GRIK1: variants seen among roughly 807,000 people sequenced by gnomAD.
The protein encoded by GRIK1 is glutamate ionotropic receptor kainate type subunit 1.
In GRIK1, 69 loss-of-function variants were observed where a neutral mutation model predicts 105.7. The ratio of observed to expected loss-of-function variants is 0.65; its 90% CI spans 0.54 to 0.80. GRIK1 has a LOEUF of 0.80. GRIK1 is among the 30% of genes least tolerant of loss of function. GRIK1 has a pLI of 0.00. For synonymous variants in GRIK1, 438 were observed against 431.3 expected, an observed-to-expected ratio of 1.02 and a Z score of -0.19; for missense variants, 1,109 against 1,167.3, an observed-to-expected ratio of 0.95 and a Z score of 0.73.
chr21:29,574,107 A>C (rs2090826699), intron 14 of GRIK1, among the ~76,000 whole-genome samples: 1 of 1,586 alleles, frequency 6.3e-4, no homozygotes, highest in Admixed American at 0.012. Flanking sequence ...ATGAATAAAT[A>C]AATTTTGTTT....
intron 1 of GRIK1, among the ~76,000 whole-genome samples, chr21:29,857,407 C>G (rs111762815): frequency 6.6e-6 from 1 of 152,146 alleles, no homozygotes; most frequent in Non-Finnish European, 1.5e-5. Context: ...CATAGCTACA[C>G]GCCAAGTAAC....
chr21:29,771,480 C>A (rs1338910080), intron 1 of GRIK1, among the ~76,000 whole-genome samples: 1 of 152,186 alleles, frequency 6.6e-6, no homozygotes, highest in Non-Finnish European at 1.5e-5. Flanking sequence ...GATCTCCATG[C>A]TCTTGCATTT....
intron 1 of GRIK1, among the ~76,000 whole-genome samples, chr21:29,725,308 T>C (rs1422227460): frequency 6.6e-6 from 1 of 152,226 alleles, no homozygotes; most frequent in Admixed American, 6.5e-5. Context: ...ATTCTTATCT[T>C]CCTCGTTGGG....
intron 14 of GRIK1, among the ~76,000 whole-genome samples, chr21:29,566,353 G>T (rs1368281329): frequency 6.6e-6 from 1 of 152,114 alleles, no homozygotes; most frequent in Non-Finnish European, 1.5e-5. Flanking sequence ...AACTGAAAAA[G>T]CCTCATTTAT....
At chr21:29,614,153 C>G (rs1217117330) in intron 7 of GRIK1, among the ~76,000 whole-genome samples, 2 of 152,080 alleles carry the variant, frequency 1.3e-5, no homozygotes, top group African/African-American at 4.8e-5. Context: ...CTGGCACAAC[C>G]ATAGCAATCC....
At chr21:29,777,784 A>G (rs1460539866) in intron 1 of GRIK1, among the ~76,000 whole-genome samples, 1 of 152,162 alleles carries the variant, frequency 6.6e-6, no homozygotes, top group African/African-American at 2.4e-5. Flanking sequence ...CTGTTTCAGC[A>G]GTCCTGGTGA....
chr21:29,730,814 A>G lies in GRIK1; in HGVS notation c.119-36751T>C, dbSNP rs574745766. On this transcript the variant is annotated intron_variant, in intron 1 of 17. Transcript: ENST00000327783. Reference sequence around the variant, plus strand: ...TATCTTTAGCCTACACTTTTGTCCTATGGGACATGAGGGAACTTCAAAAAA... The same window carrying G: ...TATCTTTAGCCTACACTTTTGTCCTGTGGGACATGAGGGAACTTCAAAAAA... 7.9e-4 allele frequency among the ~76,000 whole-genome samples: 121 copies of G among 152,260 alleles called. 1 individual carries two copies. The highest frequency in any genetic ancestry group is 2.6e-3 in the African/African-American group (106 of 41,550).
intron 1 of GRIK1, among the ~76,000 whole-genome samples, chr21:29,831,447 G>C (rs1409476372): frequency 6.6e-6 from 1 of 152,134 alleles, no homozygotes; most frequent in Non-Finnish European, 1.5e-5. Context: ...CTGAGACTGG[G>C]TAATTTATAA....
chr21:29,867,968 GAA>G (rs1231169225), intron 1 of GRIK1, among the ~76,000 whole-genome samples: 2 of 103,206 alleles, frequency 1.9e-5, no homozygotes, highest in East Asian at 9.3e-4. Context: ...AAATGAGAGA[GAA>G]AAAGAGAGAA....
Position 29,886,965 on chromosome 21 carries a change from A to T in GRIK1, c.118+52418T>A, listed in dbSNP as rs549016977. Among the ~76,000 whole-genome samples, 242 of 152,244 alleles carry T rather than the reference A, an allele frequency of 1.6e-3. 1 individual carries two copies. Among genetic ancestry groups the T allele is most frequent in the African/African-American group, 5.3e-3 (219 of 41,558 alleles). On this transcript the variant is annotated intron_variant, in intron 1 of 17. Transcript: ENST00000327783. ...AAGTTAAAGAGAGACACCTTATTAG[A>T]TTTATTTGGGGGGATGATTAAGGCA...
Position 29,672,988 on chromosome 21 carries a change from T to G in GRIK1, c.721A>C (p.Lys241Gln), listed in dbSNP as rs1223761212. The G allele has an allele frequency of 6.2e-7, 1 of 1,611,008 alleles. No individual in the cohort carries two copies. Among genetic ancestry groups the G allele is most frequent in the African/African-American group, 1.3e-5 (1 of 74,890 alleles). ...CSHETAAEIL[K>Q]QILFMGMMTE... ...CTCCTCCCTAGCCCTCTTACCTGCT[T>G]AAGGATTTCAGCGGCTGTTTCATGT... The change falls in exon 4 of 18, where the codon AAG (lysine) becomes CAG (glutamine). Residue 241 changes from lysine (K) to glutamine (Q), a missense_variant. This residue lies in a region of GRIK1 where 612 missense variants were observed against 586.0 expected (regional missense o/e 1.04). Transcript: ENST00000327783.
intron 15 of GRIK1, among the ~76,000 whole-genome samples, chr21:29,561,295 A>G (rs1166837968): frequency 1.3e-5 from 2 of 152,210 alleles, no homozygotes; most frequent in Non-Finnish European, 2.9e-5. Flanking sequence ...ATAGGCATAT[A>G]TGGGTATTGA....
At chr21:29,607,579 A>G (rs1278804257) in intron 7 of GRIK1, among the ~76,000 whole-genome samples, 1 of 152,160 alleles carries the variant, frequency 6.6e-6, no homozygotes, top group East Asian at 1.9e-4. Context: ...AGTTCACAGA[A>G]ATTGCTTGTA....
At chr21:29,755,937 G>T (rs534485688) in intron 1 of GRIK1, among the ~76,000 whole-genome samples, 1 of 152,210 alleles carries the variant, frequency 6.6e-6, no homozygotes, top group African/African-American at 2.4e-5. Flanking sequence ...GAAATGCAAA[G>T]CATATTTTTA....
chr21:29,548,366 A>G (rs570387854), intron 16 of GRIK1, among the ~76,000 whole-genome samples: 17 of 152,342 alleles, frequency 1.1e-4, no homozygotes, highest in African/African-American at 4.1e-4. Context: ...AGCAAAAATG[A>G]TTTTCTTAGA....
intron 7 of GRIK1, among the ~76,000 whole-genome samples, chr21:29,617,737 C>T (rs2061885995): frequency 6.6e-6 from 1 of 152,178 alleles, no homozygotes; most frequent in Admixed American, 6.5e-5. Context: ...TTGACAGAGG[C>T]CTGGAGTGTG....
chr21:29,918,891 G>A (rs952439513), intron 1 of GRIK1, among the ~76,000 whole-genome samples: 1 of 152,010 alleles, frequency 6.6e-6, no homozygotes, highest in African/African-American at 2.4e-5. Flanking sequence ...TTCTGGCAGA[G>A]AGCAGATGGC....
Position 29,724,548 on chromosome 21 carries a change from C to T in GRIK1, c.119-30485G>A, listed in dbSNP as rs1220212866. On this transcript the variant is annotated intron_variant, in intron 1 of 17. Transcript: ENST00000327783. ...GAACTGGGAGTCTTAAAGAGGGAAG[C>T]CAAACGGATTCTACAACTAAATATG... 2.0e-5 allele frequency among the ~76,000 whole-genome samples: 3 copies of T among 152,150 alleles called. No homozygotes were observed. The South Asian group carries it at 6.2e-4, about 32-fold the overall frequency.
chr21:29,824,044 C>G (rs865899917), intron 1 of GRIK1, among the ~76,000 whole-genome samples: 1 of 151,836 alleles, frequency 6.6e-6, no homozygotes, highest in Non-Finnish European at 1.5e-5. Flanking sequence ...AGCACAGAAT[C>G]AGGGGAATTG....
Sources: gnomAD v4.1 joint callset for allele counts (sites outside exome capture counted in the v4.1 genomes callset) on GRCh38, gnomAD v4.1.1 for gene constraint, gnomAD v4.1.1 regional missense constraint, MANE v1.5 for transcripts, NCBI Gene and HGNC (gene_info 2026-07-23, HGNC 2026-07-21) for gene names.